Variants in TMEM131 observed in about 807,000 individuals in gnomAD.
The protein encoded by TMEM131 is transmembrane protein 131.
In TMEM131, 66 loss-of-function variants were observed where a neutral mutation model predicts 211.6. That is an observed-to-expected ratio of 0.31 (90% CI 0.26 to 0.38). The LOEUF (loss-of-function observed/expected upper bound fraction) is 0.38. TMEM131 is among the 10% of genes least tolerant of loss of function. The pLI is 1.00. For synonymous variants in TMEM131, 844 were observed against 841.3 expected, an observed-to-expected ratio of 1.00 and a Z score of -0.06; for missense variants, 2,036 against 2,299.3, an observed-to-expected ratio of 0.89 and a Z score of 2.34.
chr2:97,799,271 TA>T lies in TMEM131; in HGVS notation c.2719-1756del, dbSNP rs200143558. ...TTTTTCAGTGTCATTCATTTGTATT[TA>T]AAAAAAAAAAAAGTCCTCGATTATG... On this transcript the variant is annotated intron_variant, in intron 25 of 40. Transcript: ENST00000186436. Among the ~76,000 whole-genome samples, 346 of 142,718 alleles carry T rather than the reference TA, an allele frequency of 2.4e-3. 1 individual carries two copies. The highest frequency in any genetic ancestry group is 3.6e-3 in the Middle Eastern group (1 of 280). The allele number at this position is 142,718 out of a possible 152,430, so 93.6% of individuals were successfully genotyped here. A position where few individuals can be genotyped will look rare whatever the true frequency, so the allele number is the denominator to read the frequency against.
intron 4 of TMEM131, chr2:97,887,638 G>A (rs1675215880): frequency 6.5e-6 from 1 of 154,832 alleles, no homozygotes. Context: ...CTGCCATTAT[G>A]GGTTGGTGAT....
intron 4 of TMEM131, among the ~76,000 whole-genome samples, chr2:97,862,583 A>G (rs920477515): frequency 1.3e-5 from 2 of 152,162 alleles, no homozygotes; most frequent in African/African-American, 4.8e-5. Context: ...GAAAAATGCA[A>G]CTGACATACT....
chr2:97,980,931 G>T (rs538651142), intron 1 of TMEM131, among the ~76,000 whole-genome samples: 13 of 146,990 alleles, frequency 8.8e-5, no homozygotes, highest in African/African-American at 3.3e-4. Flanking sequence ...TATGGAGATA[G>T]CACAGGTTTT....
intron 1 of TMEM131, among the ~76,000 whole-genome samples, chr2:97,949,687 G>A (rs1678208826): frequency 6.6e-6 from 1 of 151,664 alleles, no homozygotes; most frequent in Admixed American, 6.6e-5. Context: ...GGGCGTGGTG[G>A]CGGGCACCTG....
intron 1 of TMEM131, among the ~76,000 whole-genome samples, chr2:97,942,975 AGAAAGAAAG>A (rs1677815757): frequency 1.6e-5 from 2 of 123,996 alleles, no homozygotes; most frequent in Non-Finnish European, 3.4e-5. Context: ...AAAGAAAGAA[AGAAAGAAAG>A]AAAAGAAAGA....
intron 1 of TMEM131, among the ~76,000 whole-genome samples, chr2:97,976,624 C>T (rs552615168): frequency 6.6e-6 from 1 of 152,250 alleles, no homozygotes; most frequent in East Asian, 1.9e-4. Flanking sequence ...AATCAATACC[C>T]AAGAAGGCTC....
chr2:97,901,717 G>A (rs953869554), intron 3 of TMEM131, among the ~76,000 whole-genome samples: 2 of 152,140 alleles, frequency 1.3e-5, no homozygotes, highest in African/African-American at 4.8e-5. Flanking sequence ...CTTATAGAAG[G>A]GAGCTAAAAA....
At chr2:97,861,951 G>C (rs1046364813) in intron 4 of TMEM131, among the ~76,000 whole-genome samples, 15 of 152,200 alleles carry the variant, frequency 9.9e-5, no homozygotes, top group African/African-American at 3.4e-4. Flanking sequence ...CTTCAGGTCT[G>C]ACCCAGTGCA....
At chr2:97,982,453 C>T (rs2104647715) in intron 1 of TMEM131, among the ~76,000 whole-genome samples, 1 of 151,980 alleles carries the variant, frequency 6.6e-6, no homozygotes, top group East Asian at 1.9e-4. Context: ...ATTTTTCTTC[C>T]ATTCTGTGGG....
intron 35 of TMEM131, chr2:97,765,358 C>T (rs1406539129): frequency 6.6e-6 from 1 of 152,560 alleles, no homozygotes; most frequent in African/African-American, 2.4e-5. Flanking sequence ...CAACTCCTTT[C>T]ACCTTCAATG....
At chr2:97,863,211 CCAGA>C (rs1674138056) in intron 4 of TMEM131, among the ~76,000 whole-genome samples, 1 of 152,140 alleles carries the variant, frequency 6.6e-6, no homozygotes, top group Admixed American at 6.6e-5. Context: ...AAAGACGTTC[CCAGA>C]CAAACAAAAG....
At chr2:97,848,145 G>A (rs1683533677) in intron 5 of TMEM131, among the ~76,000 whole-genome samples, 1 of 152,140 alleles carries the variant, frequency 6.6e-6, no homozygotes, top group Non-Finnish European at 1.5e-5. Context: ...TCCAAAACCA[G>A]ACTCACACAT....
intron 2 of TMEM131, among the ~76,000 whole-genome samples, chr2:97,919,786 T>A (rs1048593899): frequency 2.6e-5 from 4 of 152,146 alleles, no homozygotes; most frequent in Non-Finnish European, 5.9e-5. Flanking sequence ...GTCAGGCTTG[T>A]CTCGAACTCC....
chr2:97,915,911 C>T (rs1676488948), intron 2 of TMEM131, among the ~76,000 whole-genome samples: 1 of 151,894 alleles, frequency 6.6e-6, no homozygotes, highest in Non-Finnish European at 1.5e-5. Context: ...GTTTTTAAGG[C>T]TGTTTCTTAT....
intron 4 of TMEM131, among the ~76,000 whole-genome samples, chr2:97,872,175 G>A (rs1432722643): frequency 2.0e-5 from 3 of 152,178 alleles, no homozygotes; most frequent in Non-Finnish European, 4.4e-5. Flanking sequence ...GAGTAGGAAT[G>A]ATCAGGGTAA....
intron 5 of TMEM131, among the ~76,000 whole-genome samples, chr2:97,852,346 T>C (rs2091772): frequency 0.76 from 115,627 of 151,914 alleles, 45,665 homozygotes; most frequent in African/African-American, 0.88. Flanking sequence ...TTAGTAGAGA[T>C]GGGGTTTCAC....
chr2:97,885,167 G>A (rs1444565693), intron 4 of TMEM131, among the ~76,000 whole-genome samples: 2 of 152,186 alleles, frequency 1.3e-5, no homozygotes, highest in Non-Finnish European at 1.5e-5. Context: ...CAGTCTAGCA[G>A]TGATGAATTC....
chr2:97,882,991 G>A (rs2104218235), intron 4 of TMEM131, among the ~76,000 whole-genome samples: 1 of 152,240 alleles, frequency 6.6e-6, no homozygotes, highest in Non-Finnish European at 1.5e-5. Context: ...ATCTGAGATC[G>A]GGGTGTCGGC....
At chr2:97,906,557 C>A (rs1231508784) in intron 3 of TMEM131, among the ~76,000 whole-genome samples, 2 of 152,184 alleles carry the variant, frequency 1.3e-5, no homozygotes, top group African/African-American at 4.8e-5. Context: ...GGTGATACAG[C>A]TTTCACTAGT....
Sources: allele counts gnomAD v4.1 joint callset (sites outside exome capture counted in the v4.1 genomes callset), GRCh38; gene constraint gnomAD v4.1.1; transcripts MANE v1.5; gene names NCBI Gene and HGNC (gene_info 2026-07-23, HGNC 2026-07-21).